VPS13C: variants seen among roughly 807,000 people sequenced by gnomAD.
VPS13C encodes the protein intermembrane lipid transfer protein VPS13C.
Under a neutral mutation model 456.8 loss-of-function variants are expected in VPS13C, and 358 were observed. The observed-to-expected ratio is 0.78, with a 90% CI of 0.72 to 0.86. VPS13C has a LOEUF of 0.86. VPS13C is among the 40% of genes least tolerant of loss of function. The probability of loss-of-function intolerance (pLI) is 0.00; values close to 1 mark genes in which losing one functional copy is unlikely to be tolerated. For synonymous variants in VPS13C, 1,578 were observed against 1,486.7 expected (o/e 1.06, Z -1.41); for missense variants, 4,818 against 4,385.4 (o/e 1.10, Z -2.79).
intron 15 of VPS13C, among the ~76,000 whole-genome samples, chr15:62,003,033 G>C (rs1177744627): frequency 6.6e-6 from 1 of 152,154 alleles, no homozygotes; most frequent in Non-Finnish European, 1.5e-5. Flanking sequence ...GAACTTTAAA[G>C]TAGTTTTTTC....
intron 16 of VPS13C, among the ~76,000 whole-genome samples, chr15:61,999,293 C>T (rs984090644): frequency 9.2e-5 from 14 of 151,614 alleles, no homozygotes; most frequent in African/African-American, 2.9e-4. Context: ...ACAGGAGAAT[C>T]GCTTGAAACC....
chr15:61,881,903 A>G, intron 69 of VPS13C, 75 bp from the exon 70 acceptor site: 1 of 1,272,660 alleles, frequency 7.9e-7, no homozygotes, highest in Non-Finnish European at 1.1e-6. Context: ...ATGTTATAGA[A>G]GAGGCCACCA....
intron 11 of VPS13C, 105 bp downstream of exon 11, chr15:62,012,934 A>C (rs2047097571): frequency 4.8e-6 from 3 of 622,318 alleles, no homozygotes; most frequent in Non-Finnish European, 7.8e-6. Flanking sequence ...GTGAAATACA[A>C]GTTAAACAAA....
At chr15:62,024,532 C>G (rs1350054990) in intron 6 of VPS13C, among the ~76,000 whole-genome samples, 1 of 152,072 alleles carries the variant, frequency 6.6e-6, no homozygotes, top group Non-Finnish European at 1.5e-5. Context: ...CCACCCTGAA[C>G]TCTTGAGGCA....
intron 66 of VPS13C, among the ~76,000 whole-genome samples, chr15:61,899,595 G>C (rs1185545146): frequency 6.7e-6 from 1 of 148,972 alleles, no homozygotes; most frequent in South Asian, 2.1e-4. Context: ...ACCAATAACA[G>C]GATCTGAAAT....
intron 18 of VPS13C, 32 bp from the exon 19 acceptor site, chr15:61,985,031 A>C: frequency 1.5e-6 from 2 of 1,333,682 alleles, no homozygotes; most frequent in East Asian, 2.7e-5. Context: ...AAAATTGTTA[A>C]AGTTTAAATA....
rs890577158 is a variant in VPS13C at position 61,868,717 on chromosome 15, T to C, written c.10805A>G (p.Glu3602Gly). Reference protein sequence around the residue: ...SSLRPPRLIHEDGIIRPYDRQ... With the variant: ...SSLRPPRLIHGDGIIRPYDRQ... ...GTCATAAGGACGAATGATGCCATCT[T>C]CATGGATCAGGCGAGGGGGACGGAG... is the stretch of plus-strand genomic sequence containing the variant. The change falls in exon 81 of 85, where the codon GAA becomes GGA. Residue 3602 changes from glutamate to glycine, a missense_variant. Physicochemically the swap from Glu to Gly is moderately conservative, Grantham distance 98. This residue lies in a region of VPS13C where 261 missense variants were observed against 234.1 expected (regional missense o/e 1.11). Coordinates refer to ENST00000644861, the MANE Select transcript of VPS13C (RefSeq NM_020821.3). 6 of 1,614,024 alleles carry C rather than the reference T, an allele frequency of 3.7e-6. No homozygotes were observed. The highest frequency in any genetic ancestry group is 5.1e-6 in the Non-Finnish European group (6 of 1,180,026).
chr15:61,878,644 C>A lies in VPS13C; in HGVS notation c.10105G>T (p.Gly3369Cys), dbSNP rs773341518. Residue 3369 changes from glycine (G) to cysteine (C), a missense_variant, in exon 74 of 85, where the codon GGT becomes TGT. Physicochemically the swap from Gly to Cys is radical, Grantham distance 159 (BLOSUM62 -3). This residue lies in a region of VPS13C where 4,552 missense variants were observed against 4,130.6 expected (regional missense o/e 1.10). Coordinates refer to ENST00000644861, the MANE Select transcript of VPS13C (RefSeq NM_020821.3). ...HSVNLLLKSIGATLTDVDDLI... is the reference protein window; with the variant it reads ...HSVNLLLKSICATLTDVDDLI... ...TCATCCACATCAGTCAGAGTAGCAC[C>A]TATGCTTTTCAACAGCAAGTTGACA... is the stretch of plus-strand genomic sequence containing the variant. The A allele has an allele frequency of 2.5e-6, 4 of 1,611,390 alleles. No individual in the cohort carries two copies. Among genetic ancestry groups the A allele is most frequent in the Non-Finnish European group, 1.7e-6 (2 of 1,178,780 alleles).
chr15:61,873,200 T>A (rs751295392), intron 78 of VPS13C, 46 bp downstream of exon 78: 3 of 1,602,192 alleles, frequency 1.9e-6, no homozygotes, highest in Non-Finnish European at 2.6e-6. Flanking sequence ...TAGAATACAC[T>A]TTTTTTTAAG....
At chr15:61,866,559 G>A (rs1894607879) in intron 81 of VPS13C, 3 of 985,090 alleles carry the variant, frequency 3.0e-6, no homozygotes, top group Non-Finnish European at 3.6e-6. Context: ...GATGATTTAA[G>A]TCAGCATCTT....
At chr15:62,026,207 G>C (rs1596496343) in intron 6 of VPS13C, among the ~76,000 whole-genome samples, 1 of 151,386 alleles carries the variant, frequency 6.6e-6, no homozygotes, top group Non-Finnish European at 1.5e-5. Flanking sequence ...GCTGCATCAT[G>C]GAATCTGAAA....
At chr15:61,906,281 G>A (rs1180509817) in intron 66 of VPS13C, among the ~76,000 whole-genome samples, 2 of 152,170 alleles carry the variant, frequency 1.3e-5, no homozygotes, top group Non-Finnish European at 1.5e-5. Flanking sequence ...ATACGTGGCA[G>A]ACTATCTGCT....
At chr15:61,957,483 GA>G (rs1323227057) in intron 37 of VPS13C, among the ~76,000 whole-genome samples, 2 of 151,996 alleles carry the variant, frequency 1.3e-5, no homozygotes, top group African/African-American at 4.8e-5. Flanking sequence ...TTTTAATAAT[GA>G]AAAATACAAT....
rs1166906863 is a variant in VPS13C, at chr15:61,940,685, G to A, written c.5563C>T (p.Pro1855Ser). The A allele has an allele frequency of 2.5e-6, 4 of 1,613,266 alleles. No homozygotes were observed. The highest frequency in any genetic ancestry group is 3.4e-6 in the Non-Finnish European group (4 of 1,179,710). Residue 1855 changes from proline to serine, a missense_variant, in exon 47 of 85, where the codon CCA becomes TCA. Physicochemically the swap from Pro to Ser is moderately conservative, Grantham distance 74. This residue lies in a region of VPS13C where 4,552 missense variants were observed against 4,130.6 expected (regional missense o/e 1.10). Coordinates refer to ENST00000644861, the MANE Select transcript of VPS13C (RefSeq NM_020821.3). ...AGTTTTCCTTTTATCTCCATCCCTG[G>A]AATTTGCACATACCATGCTGCTGCT... ...NLAAAWYVQI[P>S]GMEIKGKLKP...
chr15:62,019,949 TATATATATATATAC>T (rs942703789), intron 9 of VPS13C, among the ~76,000 whole-genome samples: 2 of 147,220 alleles, frequency 1.4e-5, no homozygotes, highest in East Asian at 2.0e-4. Context: ...ATGTCCAGCC[TATATATATATATAC>T]ATATATATAT....
intron 82 of VPS13C, among the ~76,000 whole-genome samples, chr15:61,860,455 C>T (rs1056850198): frequency 3.9e-5 from 6 of 152,110 alleles, no homozygotes; most frequent in Admixed American, 6.5e-5. Context: ...AAAATCTTCA[C>T]AACTTTTAAA....
Position 61,951,009 on chromosome 15 carries a change from G to C in VPS13C, c.4472C>G (p.Pro1491Arg), listed in dbSNP as rs560766293. The part of the protein sequence containing the change: ...CFDFTDSKGE[P>R]LHIINSSNVT... ...ATTAGAAGAGTTAATAATGTGAAGA[G>C]GTTCCCCTTTAGAGTCTAAAAGAGA... The change falls in exon 40 of 85, where the codon CCT becomes CGT. Residue 1491 changes from proline (P) to arginine (R), a missense_variant. Pro to Arg is a moderately radical substitution (Grantham distance 103). Around this residue, in one of 3 missense-constraint regions of VPS13C, gnomAD observed 4,552 missense variants for 4,130.6 expected, o/e 1.10. Coordinates refer to ENST00000644861, the MANE Select transcript of VPS13C (RefSeq NM_020821.3). The C allele has an allele frequency of 9.4e-6, 15 of 1,599,474 alleles. No homozygotes were observed. In the South Asian group the frequency reaches 1.5e-4, roughly 16 times the overall value.
intron 76 of VPS13C, 76 bp from the exon 77 acceptor site, chr15:61,875,027 T>A (rs942784592): frequency 7.7e-7 from 1 of 1,290,810 alleles, no homozygotes; most frequent in Non-Finnish European, 1.0e-6. Context: ...AGTTCAGGGT[T>A]TGCAAGAAGA....
chr15:61,999,378 T>C (rs1392072194), intron 16 of VPS13C, among the ~76,000 whole-genome samples: 1 of 142,858 alleles, frequency 7.0e-6, no homozygotes, highest in Admixed American at 7.0e-5. Flanking sequence ...AGACTCCATC[T>C]CAAAAAAAAA....
Sources: gnomAD v4.1 joint callset for allele counts (sites outside exome capture counted in the v4.1 genomes callset) on GRCh38, gnomAD v4.1.1 for gene constraint, gnomAD v4.1.1 regional missense constraint, MANE v1.5 for transcripts, NCBI Gene and HGNC (gene_info 2026-07-23, HGNC 2026-07-21) for gene names.